Variants in SPTBN5 observed in about 807,000 individuals in gnomAD.
SPTBN5 encodes the protein spectrin beta chain, non-erythrocytic 5.
Under a neutral mutation model 477.6 loss-of-function variants are expected in SPTBN5, and 513 were observed. That is an observed-to-expected ratio of 1.07 (90% CI 1.00 to 1.16). SPTBN5 has a LOEUF of 1.16. Among genes scored for constraint, SPTBN5 ranks in the 50% most tolerant of loss-of-function variants. SPTBN5 has a pLI of 0.00. For missense variants in SPTBN5, 5,062 were observed against 4,731.8 expected, an observed-to-expected ratio of 1.07 and a Z score of -2.05; for synonymous variants, 2,169 against 2,011.7, an observed-to-expected ratio of 1.08 and a Z score of -2.09.
intron 21 of SPTBN5, 40 bp from the exon 22 acceptor site, chr15:41,875,662 G>T (rs772049876): frequency 6.5e-7 from 1 of 1,537,706 alleles, no homozygotes. Context: ...TGGCTGAGCT[G>T]CTGGTACCAC....
intron 6 of SPTBN5, 69 bp from the exon 7 acceptor site, chr15:41,886,435 A>G: frequency 6.7e-7 from 1 of 1,484,338 alleles, no homozygotes; most frequent in African/African-American, 1.4e-5. Context: ...ACTGAGTGCC[A>G]GCCAGAGTTC....
In SPTBN5 at chr15:41,861,503, A is replaced by G. The variant is rs2066106885; in HGVS notation, c.7738-7T>C. ...CCACTGAGCTCAGAAACAGCTGAGAACAAAGGAAAAGGCAAGAGACAGTCG... is the reference window on the plus strand; with the variant it reads ...CCACTGAGCTCAGAAACAGCTGAGAGCAAAGGAAAAGGCAAGAGACAGTCG... On this transcript the variant is annotated splice_region_variant and splice_polypyrimidine_tract_variant and intron_variant, in intron 45 of 67. Transcript: ENST00000320955. 1 of 1,613,382 alleles carries G rather than the reference A, an allele frequency of 6.2e-7. No homozygotes were observed. Among genetic ancestry groups the G allele is most frequent in the African/African-American group, 1.3e-5 (1 of 75,074 alleles).
chr15:41,869,711 C>T, intron 32 of SPTBN5, 130 bp downstream of exon 32: 4 of 995,076 alleles, frequency 4.0e-6, no homozygotes, highest in Non-Finnish European at 5.4e-6. Context: ...ATCCCGTGTG[C>T]TCGTGCTCTC....
Position 41,879,424 on chromosome 15 carries a change from C to A in SPTBN5, c.3018G>T (p.Leu1006=). 1 of 1,609,680 alleles carries A rather than the reference C, an allele frequency of 6.2e-7. No homozygotes were observed. The highest frequency in any genetic ancestry group is 1.1e-5 in the South Asian group (1 of 90,876). The change falls in exon 16 of 68, where the codon CTG becomes CTT. Residue 1006 remains leucine (L), a synonymous_variant. Coordinates refer to ENST00000320955, the MANE Select transcript of SPTBN5 (RefSeq NM_016642.4). Reference sequence around the variant, plus strand: ...GGACCTGTGTGGGTCCACACTCCTGCAGAAAACTGCACACTTCCACACTGT... The same window carrying A: ...GGACCTGTGTGGGTCCACACTCCTGAAGAAAACTGCACACTTCCACACTGT... ...LAHSVEVCSF[L]QECGPTQVQL...
At chr15:41,853,910 C>T (rs1316629170) in intron 57 of SPTBN5, 123 bp from the exon 58 acceptor site, 38 of 1,426,766 alleles carry the variant, frequency 2.7e-5, no homozygotes, top group Admixed American at 7.0e-5. Context: ...TGGGCCAAGT[C>T]CTAGGGCCCC....
rs753295042 is a variant in SPTBN5 at position 41,854,862 on chromosome 15, AGCGCCTGGGTGCAC to A, written c.9524_9537del (p.Gly3175ValfsTer12). Reference sequence around the variant, plus strand: ...CTCCTCTGGGCTTGGATGTGGGGATAGCGCCTGGGTGCACCCCGCTCCAGGGTGCCTGCCAACTT... The same window carrying A: ...CTCCTCTGGGCTTGGATGTGGGGATACCCGCTCCAGGGTGCCTGCCAACTT... On this transcript the variant is annotated frameshift_variant, in exon 56 of 68. Coordinates refer to ENST00000320955, the MANE Select transcript of SPTBN5 (RefSeq NM_016642.4). LOFTEE classifies it high-confidence loss of function. The A allele has an allele frequency of 6.2e-7, 1 of 1,609,018 alleles. No homozygotes were observed. Among genetic ancestry groups the A allele is most frequent in the Non-Finnish European group, 8.5e-7 (1 of 1,177,468 alleles).
intron 12 of SPTBN5, 123 bp from the exon 13 acceptor site, chr15:41,881,357 T>A: frequency 1.3e-6 from 1 of 752,368 alleles, no homozygotes; most frequent in Non-Finnish European, 2.1e-6. Context: ...AAAGGGTGTG[T>A]GGGACATGGG....
At chr15:41,884,074 C>T (rs2067071471) in intron 7 of SPTBN5, among the ~76,000 whole-genome samples, 1 of 152,264 alleles carries the variant, frequency 6.6e-6, no homozygotes, top group Non-Finnish European at 1.5e-5. Flanking sequence ...CCAGCTCCGC[C>T]TCCCAGGTTC....
In SPTBN5 at chr15:41,862,405, G is replaced by A; in HGVS notation, c.7386-113C>T. 4 of 1,517,368 alleles carry A rather than the reference G, an allele frequency of 2.6e-6. No homozygotes were observed. The East Asian group carries it at 9.1e-5, about 35-fold the overall frequency. 94.0% of individuals were successfully genotyped at this position (1,517,368 alleles called of 1,614,324 possible). ...AACCACAGGAGGGCCCATGGGCTGG[G>A]AGTTACTGGGAGGACAGTACAGTTA... On this transcript the variant is annotated intron_variant, in intron 43 of 67. Coordinates refer to ENST00000320955, the MANE Select transcript of SPTBN5 (RefSeq NM_016642.4).
At position 41,863,930 on chromosome 15, in the gene SPTBN5, C is replaced by G. The variant is rs563656968; in HGVS notation, c.7013G>C (p.Arg2338Pro). Residue 2338 changes from arginine to proline, a missense_variant, in exon 40 of 68, where the codon CGG becomes CCG. Coordinates refer to ENST00000320955, the MANE Select transcript of SPTBN5 (RefSeq NM_016642.4). ...DPEEVKIICQRRSQLNNRWAS... is the reference protein window; with the variant it reads ...DPEEVKIICQPRSQLNNRWAS... ...TGGCCTGTTGTTGAGCTGGCTTCGC[C>G]GCTGGCAGATGATCTTGACTTCCTC... The G allele has an allele frequency of 6.2e-7, 1 of 1,613,854 alleles. No homozygotes were observed. Among genetic ancestry groups the G allele is most frequent in the Non-Finnish European group, 8.5e-7 (1 of 1,179,852 alleles).
chr15:41,875,293 T>C (rs1595488068), intron 22 of SPTBN5, among the ~76,000 whole-genome samples, 165 bp downstream of exon 22: 1 of 152,218 alleles, frequency 6.6e-6, no homozygotes, highest in Admixed American at 6.5e-5. Flanking sequence ...GAATCCTGCA[T>C]TGGCCGACTG....
chr15:41,880,291 C>T lies in SPTBN5; in HGVS notation c.2680G>A (p.Glu894Lys), dbSNP rs772204890. 5.0e-6 allele frequency: 8 copies of T among 1,605,860 alleles called. No individual in the cohort carries two copies. In the South Asian group the frequency reaches 9.0e-5, roughly 18 times the overall value. The stretch of plus-strand genomic sequence containing the variant: ...CAGAAACCGAACAGGGCCATGGCCT[C>T]CTCCAACCGGGCCCTGCGGAGCTGG... Reference protein sequence around the residue: ...LAQLRRARLEEAMALFGFCSS... With the variant: ...LAQLRRARLEKAMALFGFCSS... Residue 894 changes from glutamate to lysine, a missense_variant, in exon 14 of 68, where the codon GAG becomes AAG. Coordinates refer to ENST00000320955, the MANE Select transcript of SPTBN5 (RefSeq NM_016642.4).
chr15:41,882,502 G>T (rs2067001041), intron 10 of SPTBN5, 33 bp from the exon 11 acceptor site: 1 of 1,565,530 alleles, frequency 6.4e-7, no homozygotes, highest in East Asian at 2.3e-5. Context: ...GCTCAGTGAA[G>T]GCAGAACAGG....
intron 67 of SPTBN5, 100 bp from the exon 68 acceptor site, chr15:41,848,728 G>A (rs972287801): frequency 4.8e-5 from 67 of 1,393,344 alleles, no homozygotes; most frequent in Admixed American, 1.5e-4. Context: ...GGACCAGCCA[G>A]CCTCCTAGAA....
rs369144299 is a variant in SPTBN5 at position 41,865,889 on chromosome 15, A to G, written c.6837T>C (p.Asn2279=). ...CCAGGTCCTGGCCCAGGTCACCAAC[A>G]TTCATCTTCACCTCCTGTGAAGGCC... ...AWIQEKEVKM[N]VGDLGQDLEH... Residue 2279 remains asparagine (N), a synonymous_variant, in exon 39 of 68, where the codon AAT becomes AAC. Coordinates refer to ENST00000320955, the MANE Select transcript of SPTBN5 (RefSeq NM_016642.4). 5.6e-4 allele frequency: 889 copies of G among 1,581,662 alleles called. 3 individuals are homozygous for G. The highest frequency in any genetic ancestry group is 4.2e-3 in the Middle Eastern group (25 of 5,956).
chr15:41,874,570 A>G lies in SPTBN5; in HGVS notation c.4503-92T>C, dbSNP rs1191730957. 3 of 1,144,044 alleles carry G rather than the reference A, an allele frequency of 2.6e-6. No individual in the cohort carries two copies. In the Admixed American group the frequency reaches 8.5e-5, roughly 32 times the overall value. 70.9% of individuals were successfully genotyped at this position (1,144,044 alleles called of 1,614,324 possible). A position where few individuals can be genotyped will look rare whatever the true frequency, so the allele number is the denominator to read the frequency against. Reference sequence around the variant, plus strand: ...CTTGGCCAAGCCAGGGCCCGTGAAGAACAAGACCAGGGAATAGAGCAAAGC... The same window carrying G: ...CTTGGCCAAGCCAGGGCCCGTGAAGGACAAGACCAGGGAATAGAGCAAAGC... On this transcript the variant is annotated intron_variant, in intron 23 of 67. Coordinates refer to ENST00000320955, the MANE Select transcript of SPTBN5 (RefSeq NM_016642.4).
At chr15:41,878,788 C>T (rs534855192) in intron 16 of SPTBN5, among the ~76,000 whole-genome samples, 159 bp from the exon 17 acceptor site, 34 of 152,284 alleles carry the variant, frequency 2.2e-4, no homozygotes, top group African/African-American at 8.2e-4. Context: ...ATAGGGCTCG[C>T]CAGGTGCAGT....
rs1210118742 is a variant in SPTBN5, at chr15:41,885,827, G to A, written c.1428C>T (p.Ile476=). Residue 476 remains isoleucine (I), a synonymous_variant, in exon 7 of 68, where the codon ATC becomes ATT. Transcript: ENST00000320955. Reference sequence around the variant, plus strand: ...CCTGGAAGCGCCCCTCCTGGGGCAGGATGCCAGCCTCCAGCATGCCCAGCC... The same window carrying A: ...CCTGGAAGCGCCCCTCCTGGGGCAGAATGCCAGCCTCCAGCATGCCCAGCC... The part of the protein sequence containing the change: ...VQRLGMLEAG[I]LPQEGRFQAL... The A allele has an allele frequency of 6.4e-7, 1 of 1,559,448 alleles. No individual in the cohort carries two copies. Among genetic ancestry groups the A allele is most frequent in the South Asian group, 1.2e-5 (1 of 84,682 alleles).
rs1261659254 is a variant in SPTBN5, at chr15:41,876,850, GT to G, written c.3809del (p.His1270ProfsTer57). ...LGPRAEALRA[H>X]GEKLVQSQHP... Reference sequence around the variant, plus strand: ...GCTGGCTCTGAACCAGCTTCTCGCCGTGTGCCCGCAGAGCCTCTGCCCGAGG... The same window carrying G: ...GCTGGCTCTGAACCAGCTTCTCGCCGGTGCCCGCAGAGCCTCTGCCCGAGG... On this transcript the variant is annotated frameshift_variant, in exon 19 of 68. Coordinates refer to ENST00000320955, the MANE Select transcript of SPTBN5 (RefSeq NM_016642.4). LOFTEE classifies it high-confidence loss of function. 1 of 1,610,220 alleles carries G rather than the reference GT, an allele frequency of 6.2e-7. No homozygotes were observed. The highest frequency in any genetic ancestry group is 8.5e-7 in the Non-Finnish European group (1 of 1,179,850).
Sources: gnomAD v4.1 joint callset for allele counts (sites outside exome capture counted in the v4.1 genomes callset) on GRCh38, gnomAD v4.1.1 for gene constraint, MANE v1.5 for transcripts, NCBI Gene and HGNC (gene_info 2026-07-23, HGNC 2026-07-21) for gene names.